Variants in RELN observed in about 807,000 individuals in gnomAD.
The protein encoded by RELN is reelin.
Under a neutral mutation model 427.6 loss-of-function variants are expected in RELN, and 108 were observed. The observed-to-expected ratio is 0.25, with a 90% CI of 0.22 to 0.30. RELN has a LOEUF of 0.30. Ranked by LOEUF, RELN falls within the 10% of genes least tolerant of loss-of-function variation. RELN has a pLI of 1.00. For synonymous variants in RELN, 1,524 were observed against 1,513.4 expected, an observed-to-expected ratio of 1.01 and a Z score of -0.16; for missense variants, 3,715 against 4,302.8, an observed-to-expected ratio of 0.86 and a Z score of 3.82.
At chr7:103,663,204 A>T (rs923081025) in intron 11 of RELN, among the ~76,000 whole-genome samples, 3 of 151,982 alleles carry the variant, frequency 2.0e-5, no homozygotes, top group African/African-American at 7.3e-5. Context: ...TTCCTTTGTG[A>T]TCTAATTTCT....
Position 103,773,738 on chromosome 7 carries a change from G to A in RELN, c.544+2819C>T, listed in dbSNP as rs538420114. Among the ~76,000 whole-genome samples the A allele has an allele frequency of 1.3e-4, 20 of 151,960 alleles. No homozygotes were observed. In the East Asian group the frequency reaches 3.7e-3, roughly 28 times the overall value. On this transcript the variant is annotated intron_variant, in intron 4 of 64. Transcript: ENST00000428762. ...GCTTGCCTCAGCCTCCCAAAGTGCT[G>A]GGATTACAGGCATGACCCACTGCGC... is the stretch of plus-strand genomic sequence containing the variant.
At chr7:103,937,126 C>T (rs1460647008) in intron 1 of RELN, among the ~76,000 whole-genome samples, 1 of 151,974 alleles carries the variant, frequency 6.6e-6, no homozygotes, top group Admixed American at 6.6e-5. Flanking sequence ...TAAGTGATGG[C>T]ATGTATATAG....
chr7:103,530,336 T>C (rs1426308511), intron 46 of RELN, among the ~76,000 whole-genome samples: 3 of 152,228 alleles, frequency 2.0e-5, no homozygotes, highest in Non-Finnish European at 4.4e-5. Context: ...AAGGAGAAAT[T>C]AGTGACTGGG....
chr7:103,947,262 T>C (rs1563105928), intron 1 of RELN, among the ~76,000 whole-genome samples: 1 of 152,202 alleles, frequency 6.6e-6, no homozygotes, highest in Non-Finnish European at 1.5e-5. Flanking sequence ...CAGTGGTGAC[T>C]GTAACAGGTT....
intron 10 of RELN, among the ~76,000 whole-genome samples, chr7:103,694,317 T>G (rs1300315692): frequency 6.6e-6 from 1 of 152,146 alleles, no homozygotes; most frequent in African/African-American, 2.4e-5. Context: ...AGTTCTAAAG[T>G]CAGTTCCTGG....
Position 103,817,898 on chromosome 7 carries a change from T to C in RELN, c.473+15639A>G, listed in dbSNP as rs1050664850. On this transcript the variant is annotated intron_variant, in intron 3 of 64. Transcript: ENST00000428762. ...AGGCAGAGGTTGCAGTGAGCTGAGA[T>C]CTGCACTCCAGCCTGGGTGACAGAG... Among the ~76,000 whole-genome samples the C allele has an allele frequency of 1.8e-4, 23 of 124,530 alleles. 1 individual carries two copies. Among genetic ancestry groups the C allele is most frequent in the African/African-American group, 7.2e-4 (23 of 31,908 alleles). The allele number at this position is 124,530 out of a possible 152,430, so 81.7% of individuals were successfully genotyped here. A position where few individuals can be genotyped will look rare whatever the true frequency, so the allele number is the denominator to read the frequency against.
Position 103,596,569 on chromosome 7 carries a change from T to G in RELN, c.3426A>C (p.Ser1142=). The G allele has an allele frequency of 6.2e-7, 1 of 1,614,090 alleles. No individual in the cohort carries two copies. ...CCTCTCTGCTGTCAGGCTTGTTGCA[T>G]GAAGCACTCTCTCCGCCTATCTGGA... ...FYIQIGGESA[S]CNKPDSREEG... Residue 1142 remains serine (S), a synonymous_variant, in exon 25 of 65, where the codon TCA becomes TCC. Coordinates refer to ENST00000428762, the MANE Select transcript of RELN (RefSeq NM_005045.4).
chr7:103,777,883 TCACACACACACA>T (rs201873652), intron 3 of RELN, among the ~76,000 whole-genome samples: 4 of 143,870 alleles, frequency 2.8e-5, no homozygotes, highest in African/African-American at 1.0e-4. Context: ...TGTTATACCT[TCACACACACACA>T]CACACACACA....
chr7:103,709,295 T>C (rs935110428), intron 8 of RELN, among the ~76,000 whole-genome samples: 6 of 152,154 alleles, frequency 3.9e-5, no homozygotes, highest in Non-Finnish European at 7.4e-5. Context: ...CAACATCACA[T>C]GGTTCTGCCA....
intron 3 of RELN, among the ~76,000 whole-genome samples, chr7:103,779,826 C>G (rs1034629815): frequency 1.3e-5 from 2 of 152,138 alleles, no homozygotes; most frequent in African/African-American, 4.8e-5. Flanking sequence ...CTCCCAGGTT[C>G]AAGCGATTCT....
chr7:103,608,281 C>G (rs796929500), intron 22 of RELN, among the ~76,000 whole-genome samples: 1 of 151,950 alleles, frequency 6.6e-6, no homozygotes, highest in African/African-American at 2.4e-5. Context: ...CATTATAGAT[C>G]CAAAAACAAT....
intron 3 of RELN, among the ~76,000 whole-genome samples, chr7:103,793,405 T>C (rs894584458): frequency 2.6e-5 from 4 of 152,208 alleles, no homozygotes; most frequent in Admixed American, 2.6e-4. Flanking sequence ...GAGGATGTTG[T>C]CTGGATTACA....
At chr7:103,746,716 A>G (rs2116048760) in intron 6 of RELN, among the ~76,000 whole-genome samples, 1 of 151,782 alleles carries the variant, frequency 6.6e-6, no homozygotes, top group Non-Finnish European at 1.5e-5. Flanking sequence ...ACAATGAGAT[A>G]CCATCTCACA....
intron 2 of RELN, among the ~76,000 whole-genome samples, chr7:103,854,685 A>G (rs1167907378): frequency 1.3e-5 from 2 of 152,198 alleles, no homozygotes; most frequent in Non-Finnish European, 1.5e-5. Flanking sequence ...AGTGATGGGA[A>G]TAAGAATACA....
intron 1 of RELN, among the ~76,000 whole-genome samples, chr7:103,962,646 T>TGTGTGTGTGTG (rs1554449118): frequency 1.3e-5 from 2 of 149,816 alleles, no homozygotes; most frequent in African/African-American, 4.9e-5. Flanking sequence ...TCCAAAGTTG[T>TGTGTGTGTGTG]TGTGTGTGTG....
chr7:103,750,107 G>C (rs934672791), intron 5 of RELN, among the ~76,000 whole-genome samples: 13 of 152,154 alleles, frequency 8.5e-5, no homozygotes, highest in Admixed American at 1.3e-4. Context: ...AGCCTCCTGA[G>C]TAGCTGGGAT....
intron 2 of RELN, among the ~76,000 whole-genome samples, chr7:103,912,409 C>T (rs1215141913): frequency 6.6e-6 from 1 of 152,132 alleles, no homozygotes; most frequent in Non-Finnish European, 1.5e-5. Context: ...TGGTCTTGAA[C>T]TCCTGACCTT....
intron 4 of RELN, among the ~76,000 whole-genome samples, chr7:103,774,704 G>A (rs889223935): frequency 6.6e-6 from 1 of 152,054 alleles, no homozygotes; most frequent in African/African-American, 2.4e-5. Context: ...TAAATATATA[G>A]TTTATAGCAC....
chr7:103,922,987 G>A (rs944475553), intron 1 of RELN, among the ~76,000 whole-genome samples: 1 of 151,962 alleles, frequency 6.6e-6, no homozygotes, highest in South Asian at 2.1e-4. Context: ...TTGAAATTAG[G>A]TACATAAGCA....
Sources: gnomAD v4.1 joint callset for allele counts (sites outside exome capture counted in the v4.1 genomes callset) on GRCh38, gnomAD v4.1.1 for gene constraint, MANE v1.5 for transcripts, NCBI Gene and HGNC (gene_info 2026-07-23, HGNC 2026-07-21) for gene names.